MEF2C: variants seen among roughly 807,000 people sequenced by gnomAD.
MEF2C encodes the protein myocyte-specific enhancer factor 2C.
Under a neutral mutation model 50.5 loss-of-function variants are expected in MEF2C, and 6 were observed. The ratio of observed to expected loss-of-function variants is 0.12; its 90% CI spans 0.07 to 0.23. The LOEUF (loss-of-function observed/expected upper bound fraction) is 0.23. MEF2C is among the 10% of genes least tolerant of loss of function. The probability of loss-of-function intolerance (pLI) is 1.00; values close to 1 mark genes in which losing one functional copy is unlikely to be tolerated. For synonymous variants in MEF2C, 183 were observed against 228.0 expected (o/e 0.80, Z 1.78); for missense variants, 276 against 605.0 (o/e 0.46, Z 5.70).
rs1755313888 is a variant in MEF2C, at chr5:88,718,728, G to A, written c.*3876C>T. The A allele has an allele frequency of 6.6e-6, 1 of 152,134 alleles. No individual in the cohort carries two copies. The highest frequency in any genetic ancestry group is 1.5e-5 in the Non-Finnish European group (1 of 68,026). The allele number at this position is 152,134 out of a possible 1,614,324, so 9.4% of individuals were successfully genotyped here. A position where few individuals can be genotyped will look rare whatever the true frequency, so the allele number is the denominator to read the frequency against. ...TCAATTTGAGGTATGAACAGGGAAGGCAAAATGCAATACCAGATTATGAAA... is the reference window on the plus strand; with the variant it reads ...TCAATTTGAGGTATGAACAGGGAAGACAAAATGCAATACCAGATTATGAAA... On this transcript the variant is annotated 3_prime_UTR_variant, in exon 11 of 11. Transcript: ENST00000504921.
chr5:88,768,007 T>C (rs1780771711), intron 3 of MEF2C, among the ~76,000 whole-genome samples: 1 of 152,182 alleles, frequency 6.6e-6, no homozygotes, highest in Non-Finnish European at 1.5e-5. Flanking sequence ...AGCTGGGCTC[T>C]CCTTCAGGAA....
At chr5:88,825,388 C>T in intron 1 of MEF2C, 1 of 660,644 alleles carries the variant, frequency 1.5e-6, no homozygotes, top group Non-Finnish European at 1.9e-6. Flanking sequence ...CCTCACGCCT[C>T]TCTACTAAAC....
intron 3 of MEF2C, among the ~76,000 whole-genome samples, chr5:88,764,747 G>A (rs1400843177): frequency 7.1e-6 from 1 of 140,014 alleles, no homozygotes; most frequent in East Asian, 2.2e-4. Flanking sequence ...GCCAGAGATT[G>A]CAGTGAGCCG....
intron 1 of MEF2C, among the ~76,000 whole-genome samples, chr5:88,854,677 A>G (rs1392924940): frequency 6.6e-6 from 1 of 152,220 alleles, no homozygotes; most frequent in South Asian, 2.1e-4. Flanking sequence ...CAGACCATAG[A>G]GAAAACAAAG....
intron 1 of MEF2C, among the ~76,000 whole-genome samples, chr5:88,903,693 T>G (rs2150356262): frequency 6.6e-6 from 1 of 152,158 alleles, no homozygotes; most frequent in East Asian, 1.9e-4. Flanking sequence ...AGACCAATAT[T>G]TAAAAATAGA....
At chr5:88,891,691 T>G (rs999497407) in intron 1 of MEF2C, among the ~76,000 whole-genome samples, 7 of 152,190 alleles carry the variant, frequency 4.6e-5, no homozygotes, top group Admixed American at 4.6e-4. Context: ...ATTACAGGCG[T>G]GAACCACTGC....
intron 1 of MEF2C, among the ~76,000 whole-genome samples, chr5:88,872,025 T>G (rs1355016760): frequency 3.3e-5 from 5 of 152,048 alleles, no homozygotes; most frequent in Non-Finnish European, 7.4e-5. Context: ...AGAGTACCTA[T>G]TATATGCAAG....
At chr5:88,863,744 G>T (rs530366159) in intron 1 of MEF2C, among the ~76,000 whole-genome samples, 2 of 151,758 alleles carry the variant, frequency 1.3e-5, no homozygotes, top group Non-Finnish European at 2.9e-5. Context: ...CACAGTATTT[G>T]TCTCTCTGTG....
chr5:88,850,762 G>T (rs937659451), intron 1 of MEF2C, among the ~76,000 whole-genome samples: 2 of 151,248 alleles, frequency 1.3e-5, no homozygotes, highest in African/African-American at 4.9e-5. Context: ...ATTTAAGAAA[G>T]AATATATATG....
chr5:88,767,987 T>A (rs950070903), intron 3 of MEF2C, among the ~76,000 whole-genome samples: 8 of 152,180 alleles, frequency 5.3e-5, no homozygotes, highest in African/African-American at 1.9e-4. Context: ...TCCTTCTGCA[T>A]CCCTTCTCAA....
At chr5:88,788,969 C>T (rs921382846) in intron 3 of MEF2C, among the ~76,000 whole-genome samples, 1 of 152,116 alleles carries the variant, frequency 6.6e-6, no homozygotes, top group Non-Finnish European at 1.5e-5. Flanking sequence ...TTAGTAGTAG[C>T]TCATGCATAG....
intron 1 of MEF2C, among the ~76,000 whole-genome samples, chr5:88,849,310 C>A (rs994476811): frequency 2.0e-5 from 3 of 152,048 alleles, no homozygotes; most frequent in Non-Finnish European, 4.4e-5. Context: ...TATCTAAGAG[C>A]CAGCACACAT....
chr5:88,740,524 A>G (rs1766160366), intron 6 of MEF2C: 1 of 983,522 alleles, frequency 1.0e-6, no homozygotes, highest in Non-Finnish European at 1.2e-6. Context: ...CCGTTACTTG[A>G]CTGAGATCAC....
chr5:88,760,682 T>G (rs950058032), intron 4 of MEF2C, among the ~76,000 whole-genome samples: 1 of 152,360 alleles, frequency 6.6e-6, no homozygotes, highest in East Asian at 1.9e-4. Flanking sequence ...GTTTTACTCA[T>G]GTATTGTGAT....
chr5:88,749,270 G>T, intron 5 of MEF2C, 153 bp from the exon 6 acceptor site: 1 of 1,218,814 alleles, frequency 8.2e-7, no homozygotes, highest in Non-Finnish European at 1.1e-6. Flanking sequence ...TTGTTTTATT[G>T]TGCCATGCTG....
At chr5:88,738,357 A>C (rs1428077984) in intron 6 of MEF2C, 1 of 985,292 alleles carries the variant, frequency 1.0e-6, no homozygotes, top group Admixed American at 6.2e-5. Context: ...TGCTCAGAAG[A>C]GTACCAGGCA....
chr5:88,733,227 C>T (rs1432656915), intron 6 of MEF2C: 7 of 985,026 alleles, frequency 7.1e-6, no homozygotes, highest in Non-Finnish European at 8.4e-6. Flanking sequence ...AGGCTTGTGA[C>T]TGGGCAGTAG....
chr5:88,760,649 CT>C (rs1777429448), intron 4 of MEF2C, among the ~76,000 whole-genome samples: 1 of 152,196 alleles, frequency 6.6e-6, no homozygotes, highest in African/African-American at 2.4e-5. Flanking sequence ...AATTCTCAAA[CT>C]TGCTTGGAAG....
At chr5:88,745,603 A>G (rs1769064818) in intron 6 of MEF2C, among the ~76,000 whole-genome samples, 1 of 152,196 alleles carries the variant, frequency 6.6e-6, no homozygotes. Context: ...TGAATCCAGG[A>G]GTTCAAGACC....
Sources: gnomAD v4.1 joint callset for allele counts (sites outside exome capture counted in the v4.1 genomes callset) on GRCh38, gnomAD v4.1.1 for gene constraint, MANE v1.5 for transcripts, NCBI Gene and HGNC (gene_info 2026-07-23, HGNC 2026-07-21) for gene names.